RNF213: variants seen among roughly 807,000 people sequenced by gnomAD.
RNF213 encodes ring finger protein 213.
Under a neutral mutation model 514.4 loss-of-function variants are expected in RNF213, and 341 were observed. The observed-to-expected ratio is 0.66, with a 90% confidence interval of 0.61 to 0.73. The LOEUF is 0.73. Among genes scored for constraint, RNF213 ranks in the 30% least tolerant of loss-of-function variants. RNF213 has a pLI of 0.00. For missense variants in RNF213, 5,767 were observed against 6,615.6 expected, an observed-to-expected ratio of 0.87 and a Z score of 4.45; for synonymous variants, 2,655 against 2,658.2, an observed-to-expected ratio of 1.00 and a Z score of 0.04.
At chr17:80,380,586 G>A (rs1373811577) in intron 55 of RNF213, among the ~76,000 whole-genome samples, 1 of 152,178 alleles carries the variant, frequency 6.6e-6, no homozygotes, top group Admixed American at 6.5e-5. Context: ...CCTGCCCGGG[G>A]ATCAGCATCA....
intron 16 of RNF213, among the ~76,000 whole-genome samples, chr17:80,318,331 A>G (rs113812806): frequency 8.5e-5 from 13 of 152,254 alleles, no homozygotes; most frequent in African/African-American, 2.9e-4. Flanking sequence ...TTCGGCTCGA[A>G]GGTGGGGTTT....
intron 51 of RNF213, 28 bp downstream of exon 51, chr17:80,375,898 CAA>C: frequency 7.0e-7 from 1 of 1,434,076 alleles, no homozygotes; most frequent in Non-Finnish European, 9.8e-7. Flanking sequence ...GGGCTGTGTT[CAA>C]AGTCTCAGTA....
intron 11 of RNF213, among the ~76,000 whole-genome samples, chr17:80,305,223 T>C (rs1016407532): frequency 6.9e-6 from 1 of 145,406 alleles, no homozygotes; most frequent in African/African-American, 2.7e-5. Context: ...TCATTGCCTA[T>C]GCTGGAGTAC....
At chr17:80,299,083 T>C (rs1180587480) in intron 11 of RNF213, among the ~76,000 whole-genome samples, 10 of 152,210 alleles carry the variant, frequency 6.6e-5, no homozygotes, top group Admixed American at 2.0e-4. Context: ...TGTCCAAATA[T>C]GGATTCGTGG....
At position 80,389,863 on chromosome 17, in the gene RNF213, C is replaced by T. The variant is rs1293519843; in HGVS notation, c.15231C>T (p.Ala5077=). The stretch of plus-strand genomic sequence containing the variant: ...GATGCCAGTTAAAACACACCATTGC[C>T]CTCTGGCAGTTCCTGTCTGCTCATA... The part of the protein sequence containing the change: ...LNRCQLKHTI[A]LWQFLSAHKS... Residue 5077 remains alanine, a synonymous_variant, in exon 66 of 68, where the codon GCC becomes GCT. Coordinates refer to ENST00000582970, the MANE Select transcript of RNF213 (RefSeq NM_001256071.3). The T allele has an allele frequency of 1.2e-6, 2 of 1,614,074 alleles. No homozygotes were observed. The highest frequency in any genetic ancestry group is 1.1e-5 in the South Asian group (1 of 91,090).
chr17:80,297,209 T>C (rs1194751285), intron 10 of RNF213, among the ~76,000 whole-genome samples: 1 of 151,200 alleles, frequency 6.6e-6, no homozygotes, highest in Non-Finnish European at 1.5e-5. Context: ...CCCAGCACTT[T>C]GGGAGGTCGA....
rs770417308 is a variant in RNF213, at chr17:80,346,256, G to A, written c.7921G>A (p.Val2641Met). ...DECSFVSLRD[V>M]ERCVKVFRWF... ...GTGCAGCTTTGTCAGCCTCAGGGACGTGGAGCGCTGTGTGAAAGTTTTCAG... is the reference window on the plus strand; with the variant it reads ...GTGCAGCTTTGTCAGCCTCAGGGACATGGAGCGCTGTGTGAAAGTTTTCAG... The change falls in exon 29 of 68, where the codon GTG becomes ATG. Residue 2641 changes from valine to methionine, a missense_variant. Val to Met is a conservative substitution (Grantham distance 21). Around this residue, in one of 13 missense-constraint regions of RNF213, gnomAD observed 1,377 missense variants for 1,635.2 expected, o/e 0.84. Transcript: ENST00000582970. This position sits in a 1 kb window ranked among gnomAD's most constrained non-coding sequence, Gnocchi z 8.1. 4.5e-5 allele frequency: 73 copies of A among 1,614,036 alleles called. No homozygotes were observed. Among genetic ancestry groups the A allele is most frequent in the Non-Finnish European group, 5.8e-5 (69 of 1,180,034 alleles).
Position 80,386,447 on chromosome 17 carries a change from C to T in RNF213, c.14720+17C>T. ...AAACAACAGGTTTGTGCACGAGCCA[C>T]CAGGAAGTGGTGCCTGCTCAGCCCA... On this transcript the variant is annotated intron_variant, in intron 62 of 67. Coordinates refer to ENST00000582970, the MANE Select transcript of RNF213 (RefSeq NM_001256071.3). 1 of 1,613,666 alleles carries T rather than the reference C, an allele frequency of 6.2e-7. No individual in the cohort carries two copies. The highest frequency in any genetic ancestry group is 8.5e-7 in the Non-Finnish European group (1 of 1,179,736).
At chr17:80,375,528 C>T (rs1490632097) in intron 50 of RNF213, among the ~76,000 whole-genome samples, 2 of 141,258 alleles carry the variant, frequency 1.4e-5, no homozygotes, top group African/African-American at 2.5e-5. Context: ...GGTGAAACCC[C>T]GTGTCTACTA....
intron 17 of RNF213, chr17:80,319,801 C>T: frequency 8.2e-7 from 1 of 1,225,780 alleles, no homozygotes; most frequent in South Asian, 1.6e-5. Context: ...CAGGAACAGT[C>T]TCGCAGGCAA....
intron 6 of RNF213, among the ~76,000 whole-genome samples, chr17:80,290,324 C>CGT (rs957383700): frequency 6.6e-6 from 1 of 151,096 alleles, no homozygotes; most frequent in African/African-American, 2.4e-5. Context: ...TGTGCGTTCA[C>CGT]GTGTGTGTGC....
At chr17:80,391,554 C>T (rs147058696) in intron 67 of RNF213, among the ~76,000 whole-genome samples, 121 of 151,992 alleles carry the variant, frequency 8.0e-4, no homozygotes, top group Middle Eastern at 6.8e-3. Context: ...ATTACCTCTT[C>T]GTATCTTTTT....
chr17:80,273,117 A>G (rs1280046674), intron 2 of RNF213, 124 bp from the exon 3 acceptor site: 16 of 1,323,266 alleles, frequency 1.2e-5, no homozygotes, highest in East Asian at 4.7e-5. Context: ...AGCAGGCCCA[A>G]TGCAGGACCT....
chr17:80,271,096 C>CTGGTGGGAGGGTAGGT (rs67535549), intron 2 of RNF213, among the ~76,000 whole-genome samples: 19 of 151,246 alleles, frequency 1.3e-4, no homozygotes, highest in Admixed American at 2.6e-4. Flanking sequence ...GGGCCCGCCC[C>CTGGTGGGAGGGTAGGT]TGGTGGGAGG....
rs778645648 is a variant in RNF213, at chr17:80,340,340, G to C, written c.5973G>C (p.Ser1991=). ...NDRLCVGIVA[S]ERAGVGKSLY... ...GGCTGTGTGTTGGGATCGTGGCCTC[G>C]GAGCGAGCAGGTGTTGGTAAGGAGA... is the stretch of plus-strand genomic sequence containing the variant. The change falls in exon 26 of 68, where the codon TCG becomes TCC. Residue 1991 remains serine (S), a synonymous_variant. Transcript: ENST00000582970. 4 of 1,612,326 alleles carry C rather than the reference G, an allele frequency of 2.5e-6. No individual in the cohort carries two copies. In the South Asian group the frequency reaches 4.4e-5, roughly 18 times the overall value.
At chr17:80,331,950 A>G (rs2046427847) in intron 20 of RNF213, 56 bp from the exon 21 acceptor site, 1 of 1,498,414 alleles carries the variant, frequency 6.7e-7, no homozygotes. Flanking sequence ...AAAGTGAAAT[A>G]AAATGGAATC....
chr17:80,374,728 G>A, intron 50 of RNF213, 139 bp downstream of exon 50: 1 of 1,044,670 alleles, frequency 9.6e-7, no homozygotes, highest in Non-Finnish European at 1.4e-6. Context: ...GAAGTCACGT[G>A]CCCACAGCCT....
chr17:80,267,609 A>G (rs962901617), intron 2 of RNF213, among the ~76,000 whole-genome samples: 6 of 152,330 alleles, frequency 3.9e-5, no homozygotes, highest in African/African-American at 1.4e-4. Context: ...TCCTGTAGCC[A>G]CAATTCCACA....
intron 54 of RNF213, 102 bp from the exon 55 acceptor site, chr17:80,379,518 T>C: frequency 9.2e-7 from 1 of 1,091,608 alleles, no homozygotes; most frequent in Non-Finnish European, 1.4e-6. Context: ...CTGAGGGTGC[T>C]CACGTCTGCC....
Sources: gnomAD v4.1 joint callset for allele counts (sites outside exome capture counted in the v4.1 genomes callset) on GRCh38, gnomAD v4.1.1 for gene constraint, gnomAD v4.1.1 regional missense constraint, Gnocchi (gnomAD v3.1) non-coding constraint, MANE v1.5 for transcripts, NCBI Gene and HGNC (gene_info 2026-07-23, HGNC 2026-07-21) for gene names.